CHST11: variants seen among roughly 807,000 people sequenced by gnomAD.
CHST11 encodes the protein carbohydrate sulfotransferase 11, also known as C4S-1.
CHST11 carries 9 observed loss-of-function variants against 30.4 expected under a neutral mutation model. That is an observed-to-expected ratio of 0.30 (90% confidence interval 0.18 to 0.52). The LOEUF is 0.52. CHST11 is among the 20% of genes least tolerant of loss of function. The pLI is 0.97. For synonymous variants in CHST11, 152 were observed against 187.8 expected (o/e 0.81, Z 1.56); for missense variants, 348 against 460.6 (o/e 0.76, Z 2.24).
chr12:104,539,304 G>A (rs755930378), intron 1 of CHST11, among the ~76,000 whole-genome samples: 4 of 151,980 alleles, frequency 2.6e-5, no homozygotes, highest in African/African-American at 9.7e-5. Context: ...TGAAAAATGG[G>A]GATAATAATA....
At chr12:104,529,429 T>C (rs1192026036) in intron 1 of CHST11, among the ~76,000 whole-genome samples, 1 of 152,204 alleles carries the variant, frequency 6.6e-6, no homozygotes, top group Non-Finnish European at 1.5e-5. Context: ...AGATCATGCA[T>C]GTAAAGTATG....
intron 2 of CHST11, among the ~76,000 whole-genome samples, chr12:104,704,104 A>C (rs2040013097): frequency 6.6e-6 from 1 of 152,158 alleles, no homozygotes; most frequent in Non-Finnish European, 1.5e-5. Context: ...TGTAGAGACG[A>C]GCCTGGGAAG....
rs115800634 is a variant in CHST11 at position 104,461,366 on chromosome 12, C to T, written c.118+3837C>T. On this transcript the variant is annotated intron_variant, in intron 1 of 2. Coordinates refer to ENST00000303694, the MANE Select transcript of CHST11 (RefSeq NM_018413.6). The stretch of plus-strand genomic sequence containing the variant: ...AAGCTAGGGAGAATGGAACCATATA[C>T]CTGTGATTTCTACACAGGTTTGAGT... Among the ~76,000 whole-genome samples the T allele has an allele frequency of 6.4e-3, 972 of 152,312 alleles. 12 individuals are homozygous for T. Among genetic ancestry groups the T allele is most frequent in the African/African-American group, 0.022 (934 of 41,556 alleles).
intron 2 of CHST11, among the ~76,000 whole-genome samples, chr12:104,743,922 C>T (rs541057241): frequency 3.4e-5 from 4 of 116,118 alleles, no homozygotes; most frequent in Non-Finnish European, 7.1e-5. Context: ...ATCCATGTCC[C>T]AGCAGAGGAC....
chr12:104,587,900 GT>G (rs61022741), intron 1 of CHST11, among the ~76,000 whole-genome samples: 76,055 of 144,640 alleles, frequency 0.53, 20,636 homozygotes, highest in African/African-American at 0.61. Context: ...AGGAGATTAG[GT>G]TTTTTAAAAT....
chr12:104,738,581 G>A (rs1368076928), intron 2 of CHST11, among the ~76,000 whole-genome samples: 5 of 152,184 alleles, frequency 3.3e-5, no homozygotes, highest in Non-Finnish European at 7.3e-5. Context: ...GGCGTTTCCT[G>A]AGCACTTACC....
chr12:104,751,775 C>G (rs561839034), intron 2 of CHST11, among the ~76,000 whole-genome samples: 1 of 152,288 alleles, frequency 6.6e-6, no homozygotes, highest in Non-Finnish European at 1.5e-5. Context: ...TGGTACTATC[C>G]CCATTTTGCA....
In CHST11 at chr12:104,458,593, T is replaced by A. The variant is rs1393323020; in HGVS notation, c.118+1064T>A. 6.6e-6 allele frequency among the ~76,000 whole-genome samples: 1 copy of A among 152,206 alleles called. No individual in the cohort carries two copies. Among genetic ancestry groups the A allele is most frequent in the African/African-American group, 2.4e-5 (1 of 41,448 alleles). On this transcript the variant is annotated intron_variant, in intron 1 of 2. Transcript: ENST00000303694. The surrounding 1 kb of genome is among the most constrained non-coding windows in gnomAD (Gnocchi z 5.7). ...AGAACGTTCCGAGAAGCCTTCCGGG[T>A]AACGCGGGTCTCCCCGCCAAGCCGT...
chr12:104,631,713 A>G (rs1372954549), intron 2 of CHST11, among the ~76,000 whole-genome samples: 1 of 152,198 alleles, frequency 6.6e-6, no homozygotes, highest in Non-Finnish European at 1.5e-5. Context: ...CATGATTTGC[A>G]GGACTCAGTG....
At chr12:104,685,189 C>T (rs1165968969) in intron 2 of CHST11, among the ~76,000 whole-genome samples, 3 of 152,092 alleles carry the variant, frequency 2.0e-5, no homozygotes, top group Non-Finnish European at 4.4e-5. Flanking sequence ...TCTCATTGCT[C>T]CAGAAGCATT....
In CHST11 at chr12:104,752,930, T is replaced by C. The variant is rs74466834; in HGVS notation, c.205-4019T>C. ...CATTCATTCACTCAACCAACACTTA[T>C]GGAGCATCTCCTATGGGGCTGGCAC... On this transcript the variant is annotated intron_variant, in intron 2 of 2. Transcript: ENST00000303694. Among the ~76,000 whole-genome samples the C allele has an allele frequency of 9.0e-3, 1,372 of 152,332 alleles. 42 individuals carry two copies. In the East Asian group the frequency reaches 0.12, roughly 14 times the overall value.
At chr12:104,582,636 C>T (rs960461652) in intron 1 of CHST11, among the ~76,000 whole-genome samples, 6 of 147,378 alleles carry the variant, frequency 4.1e-5, no homozygotes, top group African/African-American at 1.5e-4. Flanking sequence ...ATAAACATTT[C>T]CCTGCTGTAT....
intron 2 of CHST11, among the ~76,000 whole-genome samples, chr12:104,623,110 CA>C (rs1469727177): frequency 1.3e-5 from 2 of 152,186 alleles, no homozygotes; most frequent in Non-Finnish European, 2.9e-5. Context: ...GCAGCCAAGA[CA>C]ATATGTAAAT....
chr12:104,561,024 C>A (rs2038507894), intron 1 of CHST11, among the ~76,000 whole-genome samples: 3 of 152,190 alleles, frequency 2.0e-5, no homozygotes, highest in Admixed American at 2.0e-4. Flanking sequence ...AGGGGCTTGG[C>A]TTAGACTAGT....
chr12:104,473,380 A>G (rs1290341421), intron 1 of CHST11, among the ~76,000 whole-genome samples: 2 of 152,194 alleles, frequency 1.3e-5, no homozygotes, highest in Admixed American at 1.3e-4. Context: ...CTTCACCCTC[A>G]GAGGGCTCTG....
At chr12:104,473,755 G>T (rs2037532034) in intron 1 of CHST11, among the ~76,000 whole-genome samples, 2 of 152,036 alleles carry the variant, frequency 1.3e-5, no homozygotes, top group Admixed American at 1.3e-4. Flanking sequence ...AGTCACTTCT[G>T]GGGGCCATTG....
rs3039120 is a variant in CHST11, at chr12:104,553,568, C to CGAGAGAGAGAGAGAGAGAGAGA, written c.119-48326_119-48305dup. 74 of 140,208 alleles carry CGAGAGAGAGAGAGAGAGAGAGA rather than the reference C, an allele frequency of 5.3e-4. 1 individual carries two copies. Among genetic ancestry groups the CGAGAGAGAGAGAGAGAGAGAGA allele is most frequent in the African/African-American group, 2.0e-3 (69 of 35,312 alleles). 8.7% of individuals were successfully genotyped at this position (140,208 alleles called of 1,614,324 possible). ...CAAGCAAATCTTCACATGGTGTCAGCGAGAGAGAGAGAGAGAGAGAGAGAG... is the reference window on the plus strand; with the variant it reads ...CAAGCAAATCTTCACATGGTGTCAGCGAGAGAGAGAGAGAGAGAGAGAGAGAGAGAGAGAGAGAGAGAGAGAG... On this transcript the variant is annotated intron_variant, in intron 1 of 2. Transcript: ENST00000303694.
At chr12:104,644,508 G>C (rs914880593) in intron 2 of CHST11, among the ~76,000 whole-genome samples, 2 of 152,240 alleles carry the variant, frequency 1.3e-5, no homozygotes, top group Non-Finnish European at 2.9e-5. Context: ...GACACACCTG[G>C]GCTCCCTGCA....
intron 2 of CHST11, among the ~76,000 whole-genome samples, chr12:104,613,272 G>GAGATAGAT (rs76809682): frequency 4.6e-5 from 7 of 151,312 alleles, no homozygotes; most frequent in African/African-American, 7.3e-5. Flanking sequence ...AAATGTGAGT[G>GAGATAGAT]AGATAGATAG....
Sources: gnomAD v4.1 joint callset for allele counts (sites outside exome capture counted in the v4.1 genomes callset) on GRCh38, gnomAD v4.1.1 for gene constraint, Gnocchi (gnomAD v3.1) non-coding constraint, MANE v1.5 for transcripts, NCBI Gene and HGNC (gene_info 2026-07-23, HGNC 2026-07-21) for gene names.